WDR7: variants seen among roughly 807,000 people sequenced by gnomAD.
WDR7 encodes the protein WD repeat domain 7, also known as WD repeat-containing protein 7.
Under a neutral mutation model 169.4 loss-of-function variants are expected in WDR7, and 46 were observed. The observed-to-expected ratio is 0.27, with a 90% confidence interval of 0.21 to 0.35. The LOEUF (loss-of-function observed/expected upper bound fraction) is 0.35, where lower values mean the gene tolerates loss of function less well. Among genes scored for constraint, WDR7 ranks in the 10% least tolerant of loss-of-function variants. The pLI is 1.00. For synonymous variants in WDR7, 612 were observed against 666.8 expected, an observed-to-expected ratio of 0.92 and a Z score of 1.27; for missense variants, 1,534 against 1,859.3, an observed-to-expected ratio of 0.83 and a Z score of 3.22.
At chr18:56,672,706 A>G in intron 2 of WDR7, 32 bp downstream of exon 2, 1 of 1,540,918 alleles carries the variant, frequency 6.5e-7, no homozygotes, top group Non-Finnish European at 8.7e-7. Context: ...TATACATTTT[A>G]GATATAAAAA....
At position 56,913,623 on chromosome 18, in the gene WDR7, C is replaced by CA. The variant is rs3045241; in HGVS notation, c.3527-10277dup. 8.4e-3 allele frequency among the ~76,000 whole-genome samples: 1,128 copies of CA among 134,710 alleles called. 8 individuals are homozygous for CA. Among genetic ancestry groups the CA allele is most frequent in the Non-Finnish European group, 0.011 (678 of 63,276 alleles). 88.4% of individuals were successfully genotyped at this position (134,710 alleles called of 152,430 possible). On this transcript the variant is annotated intron_variant, in intron 21 of 27. Transcript: ENST00000254442. ...GCAACAGAGTGAGACCCCATCTCTA[C>CA]AAAAAAAAAAAAAAAAAAAAAATTA...
At chr18:56,663,997 T>G (rs2144471927) in intron 1 of WDR7, among the ~76,000 whole-genome samples, 1 of 152,234 alleles carries the variant, frequency 6.6e-6, no homozygotes, top group African/African-American at 2.4e-5. Flanking sequence ...GACAGTCTGC[T>G]GTACCAGAAA....
intron 14 of WDR7, among the ~76,000 whole-genome samples, chr18:56,751,893 A>G (rs780084576): frequency 2.0e-5 from 3 of 152,246 alleles, no homozygotes; most frequent in Non-Finnish European, 4.4e-5. Context: ...CATGTTTTCT[A>G]CATGCTCAGT....
chr18:56,782,817 A>C (rs2044339606), intron 19 of WDR7, among the ~76,000 whole-genome samples: 1 of 152,176 alleles, frequency 6.6e-6, no homozygotes, highest in African/African-American at 2.4e-5. Flanking sequence ...TGTTTAATCA[A>C]GCATGTGACC....
At chr18:56,851,221 C>T (rs2045636331) in intron 20 of WDR7, among the ~76,000 whole-genome samples, 1 of 152,122 alleles carries the variant, frequency 6.6e-6, no homozygotes, top group South Asian at 2.1e-4. Flanking sequence ...CCTCTGGCTT[C>T]ATTTCTCAGC....
intron 2 of WDR7, among the ~76,000 whole-genome samples, chr18:56,675,146 T>A (rs946320543): frequency 6.6e-6 from 1 of 152,220 alleles, no homozygotes; most frequent in African/African-American, 2.4e-5. Context: ...GAAATCCAGA[T>A]ATGTGAGTCC....
intron 3 of WDR7, among the ~76,000 whole-genome samples, chr18:56,680,226 C>T (rs1466956724): frequency 6.6e-6 from 1 of 152,040 alleles, no homozygotes; most frequent in South Asian, 2.1e-4. Context: ...GGCATGATGG[C>T]GTGCACCTGT....
intron 12 of WDR7, among the ~76,000 whole-genome samples, chr18:56,713,946 G>T (rs1324140418): frequency 1.3e-5 from 2 of 152,158 alleles, no homozygotes; most frequent in East Asian, 1.9e-4. Context: ...AGAAAGCTGA[G>T]AATTATTTAT....
chr18:56,934,937 A>G (rs1331638830), intron 22 of WDR7, among the ~76,000 whole-genome samples: 1 of 152,226 alleles, frequency 6.6e-6, no homozygotes, highest in Non-Finnish European at 1.5e-5. Context: ...ATCACGTGCC[A>G]CATTTTAGTA....
chr18:57,007,162 G>T (rs757410492), intron 26 of WDR7, among the ~76,000 whole-genome samples: 1 of 152,052 alleles, frequency 6.6e-6, no homozygotes, highest in African/African-American at 2.4e-5. Context: ...TGTATTTTTA[G>T]TAGAGACGGG....
At chr18:56,749,123 T>A (rs2043748518) in intron 14 of WDR7, among the ~76,000 whole-genome samples, 1 of 152,076 alleles carries the variant, frequency 6.6e-6, no homozygotes, top group Non-Finnish European at 1.5e-5. Flanking sequence ...TGCATCAGAA[T>A]TTCAGAAATT....
At chr18:56,998,967 C>T (rs751362785) in intron 26 of WDR7, among the ~76,000 whole-genome samples, 7 of 152,126 alleles carry the variant, frequency 4.6e-5, no homozygotes, top group Non-Finnish European at 1.0e-4. Flanking sequence ...AAGCTTTTAG[C>T]AACAGTTTTT....
intron 19 of WDR7, among the ~76,000 whole-genome samples, chr18:56,790,314 C>T (rs1414360004): frequency 6.6e-6 from 1 of 152,082 alleles, no homozygotes; most frequent in African/African-American, 2.4e-5. Flanking sequence ...ATATAGAAAT[C>T]CAATTTTGAT....
At chr18:56,885,629 A>G (rs1316471251) in intron 21 of WDR7, among the ~76,000 whole-genome samples, 4 of 150,006 alleles carry the variant, frequency 2.7e-5, no homozygotes, top group African/African-American at 7.3e-5. Context: ...AGACCATCCT[A>G]GCTAACACGG....
chr18:56,873,381 A>C (rs1282375304), intron 20 of WDR7: 1 of 152,224 alleles, frequency 6.6e-6, no homozygotes, highest in African/African-American at 2.4e-5. Context: ...AAATTTACAA[A>C]TGATTGTTTG....
intron 19 of WDR7, among the ~76,000 whole-genome samples, chr18:56,792,225 C>A (rs1234579875): frequency 2.0e-5 from 3 of 152,074 alleles, no homozygotes; most frequent in East Asian, 1.9e-4. Flanking sequence ...CCTATGTTGC[C>A]CAAGCTGGTC....
rs1171211529 is a variant in WDR7, at chr18:56,936,045, A to G, written c.3831+140A>G. 5.3e-6 allele frequency: 4 copies of G among 751,320 alleles called. No individual in the cohort carries two copies. In the Admixed American group the frequency reaches 9.2e-5, roughly 17 times the overall value. The allele number at this position is 751,320 out of a possible 1,614,324, so 46.5% of individuals were successfully genotyped here. ...AGTTAATAATTTAGTACTGAAATGA[A>G]CACATGTGTCTGTGTGCATGTACAC... On this transcript the variant is annotated intron_variant, in intron 23 of 27. Coordinates refer to ENST00000254442, the MANE Select transcript of WDR7 (RefSeq NM_015285.3).
At chr18:56,845,427 T>G (rs1366747890) in intron 20 of WDR7, among the ~76,000 whole-genome samples, 1 of 152,130 alleles carries the variant, frequency 6.6e-6, no homozygotes, top group Non-Finnish European at 1.5e-5. Context: ...TGTAATAGAA[T>G]TTATAAAAAG....
intron 25 of WDR7, among the ~76,000 whole-genome samples, chr18:56,951,271 T>G (rs1438204326): frequency 6.6e-6 from 1 of 152,188 alleles, no homozygotes; most frequent in Non-Finnish European, 1.5e-5. Context: ...TAATTTCCTA[T>G]TATAGTCCCA....
Sources: gnomAD v4.1 joint callset for allele counts (sites outside exome capture counted in the v4.1 genomes callset) on GRCh38, gnomAD v4.1.1 for gene constraint, MANE v1.5 for transcripts, NCBI Gene and HGNC (gene_info 2026-07-23, HGNC 2026-07-21) for gene names.